Variants in R3HDM1 observed in about 807,000 individuals in gnomAD.
The protein encoded by R3HDM1 is R3H domain containing 1.
A neutral mutation model predicts 141.1 loss-of-function variants in R3HDM1; 46 were observed. The ratio of observed to expected loss-of-function variants is 0.33; its 90% CI spans 0.26 to 0.42. R3HDM1 has a LOEUF of 0.42. R3HDM1 is among the 10% of genes least tolerant of loss of function. R3HDM1 has a pLI of 1.00. For missense variants in R3HDM1, 1,184 were observed against 1,368.3 expected (o/e 0.87, Z 2.12); for synonymous variants, 435 against 472.9 (o/e 0.92, Z 1.04).
chr2:135,665,358 C>T (rs2067330734), intron 19 of R3HDM1: 1 of 518,446 alleles, frequency 1.9e-6, no homozygotes, highest in Non-Finnish European at 4.0e-6. Context: ...GTAGCTTCAC[C>T]ATATACATTT....
Position 135,645,543 on chromosome 2 carries a change from A to G in R3HDM1, c.1623+16A>G. 2 of 1,611,898 alleles carry G rather than the reference A, an allele frequency of 1.2e-6. No individual in the cohort carries two copies. Among genetic ancestry groups the G allele is most frequent in the Non-Finnish European group, 1.7e-6 (2 of 1,178,862 alleles). Reference sequence around the variant, plus strand: ...TTTCTCACAGGTGCACATATCCATGATTACATAATGCTAAGTTGACTTGCC... The same window carrying G: ...TTTCTCACAGGTGCACATATCCATGGTTACATAATGCTAAGTTGACTTGCC... On this transcript the variant is annotated intron_variant, in intron 16 of 26. Coordinates refer to ENST00000683871, the MANE Select transcript of R3HDM1 (RefSeq NM_001378107.1).
intron 21 of R3HDM1, among the ~76,000 whole-genome samples, chr2:135,686,955 T>C (rs539858033): frequency 6.6e-6 from 1 of 152,272 alleles, no homozygotes; most frequent in Non-Finnish European, 1.5e-5. Context: ...TCCCAGCACT[T>C]TGGGAGGCCA....
chr2:135,621,390 C>A lies in R3HDM1; in HGVS notation c.304-104C>A, dbSNP rs879763020. ...GAAGAATCCAGTTGGGTAAAATAAT[C>A]TTTTTCCTCTGTACAATTCTGTGTT... On this transcript the variant is annotated intron_variant, in intron 5 of 26. Transcript: ENST00000683871. 2.0e-5 allele frequency: 12 copies of A among 610,186 alleles called. No homozygotes were observed. In the Admixed American group the frequency reaches 4.8e-4, roughly 24 times the overall value. 37.8% of individuals were successfully genotyped at this position (610,186 alleles called of 1,614,324 possible).
chr2:135,548,703 C>T (rs1164528727), intron 1 of R3HDM1, among the ~76,000 whole-genome samples: 1 of 152,112 alleles, frequency 6.6e-6, no homozygotes, highest in Non-Finnish European at 1.5e-5. Flanking sequence ...GGGCTTCTTC[C>T]ATTCAACATG....
At chr2:135,583,058 ATGTATTTT>A (rs1254172901) in intron 1 of R3HDM1, among the ~76,000 whole-genome samples, 2 of 152,178 alleles carry the variant, frequency 1.3e-5, no homozygotes, top group African/African-American at 4.8e-5. Context: ...TCTCTGGCTA[ATGTATTTT>A]TATCACACCC....
chr2:135,658,191 G>C (rs1329829156), intron 18 of R3HDM1, among the ~76,000 whole-genome samples: 1 of 152,140 alleles, frequency 6.6e-6, no homozygotes, highest in Non-Finnish European at 1.5e-5. Context: ...TTTTGAGACG[G>C]AGTCTCGCTC....
chr2:135,547,802 C>G (rs1286324855), intron 1 of R3HDM1, among the ~76,000 whole-genome samples: 1 of 115,704 alleles, frequency 8.6e-6, no homozygotes, highest in Non-Finnish European at 1.6e-5. Flanking sequence ...GAGACAGAGT[C>G]TTGCTCTGTC....
At chr2:135,548,509 A>G (rs947994420) in intron 1 of R3HDM1, among the ~76,000 whole-genome samples, 3 of 152,210 alleles carry the variant, frequency 2.0e-5, no homozygotes, top group African/African-American at 4.8e-5. Flanking sequence ...TCTACAACCC[A>G]TACATCCATT....
intron 15 of R3HDM1, among the ~76,000 whole-genome samples, chr2:135,643,050 T>C (rs1218725138): frequency 6.6e-6 from 1 of 152,184 alleles, no homozygotes; most frequent in African/African-American, 2.4e-5. Context: ...TTCATTTGCT[T>C]AGGAAGGGAT....
chr2:135,607,856 A>C (rs2060208325), intron 3 of R3HDM1: 1 of 983,400 alleles, frequency 1.0e-6, no homozygotes, highest in Non-Finnish European at 1.2e-6. Flanking sequence ...CTTCTTTACC[A>C]AGGGAATACC....
intron 3 of R3HDM1, among the ~76,000 whole-genome samples, chr2:135,610,516 T>C (rs1366821221): frequency 6.6e-6 from 1 of 152,184 alleles, no homozygotes; most frequent in African/African-American, 2.4e-5. Flanking sequence ...GATGAGACTC[T>C]TATGTCTTGT....
intron 1 of R3HDM1, among the ~76,000 whole-genome samples, chr2:135,576,388 G>A (rs984059154): frequency 6.6e-6 from 1 of 151,872 alleles, no homozygotes; most frequent in African/African-American, 2.4e-5. Context: ...ATAAAAAAAA[G>A]TGTTAAATCA....
At chr2:135,578,130 T>C (rs1000404339) in intron 1 of R3HDM1, among the ~76,000 whole-genome samples, 1 of 152,172 alleles carries the variant, frequency 6.6e-6, no homozygotes, top group Admixed American at 6.5e-5. Context: ...TAAATACCCA[T>C]GCAGGAGAAT....
At chr2:135,581,502 T>G in intron 1 of R3HDM1, 1 of 660,312 alleles carries the variant, frequency 1.5e-6, no homozygotes, top group Non-Finnish European at 1.9e-6. Flanking sequence ...ACCACAATCT[T>G]TCCTCACCAC....
At position 135,667,620 on chromosome 2, in the gene R3HDM1, G is replaced by A; in HGVS notation, c.2152+6227G>A. On this transcript the variant is annotated intron_variant, in intron 19 of 26. Transcript: ENST00000683871. ...TAAAATATACTTTTTAGTGAAGAAA[G>A]AATAATTTATGTGGTAGCCAAGTTG... is the stretch of plus-strand genomic sequence containing the variant. The A allele has an allele frequency of 2.1e-6, 2 of 972,040 alleles. 1 individual carries two copies. The highest frequency in any genetic ancestry group is 9.5e-5 in the South Asian group (2 of 21,002). The allele number at this position is 972,040 out of a possible 1,614,324, so 60.2% of individuals were successfully genotyped here.
intron 1 of R3HDM1, chr2:135,576,955 A>G (rs530444202): frequency 3.0e-6 from 1 of 328,686 alleles, no homozygotes; most frequent in African/African-American, 2.2e-5. Flanking sequence ...GTATGAATAT[A>G]CTAAAAGCCA....
At chr2:135,586,684 G>C (rs1707999699) in intron 1 of R3HDM1, 1 of 985,126 alleles carries the variant, frequency 1.0e-6, no homozygotes, top group African/African-American at 1.7e-5. Context: ...TATTTGTTTA[G>C]GTTGGTGGAG....
At position 135,713,069 on chromosome 2, in the gene R3HDM1, G is replaced by C. The variant is rs1368719734; in HGVS notation, c.2737-2481G>C. On this transcript the variant is annotated intron_variant, in intron 23 of 26. Coordinates refer to ENST00000683871, the MANE Select transcript of R3HDM1 (RefSeq NM_001378107.1). ...AATTAAAAATTAGCCAGGTGTGGTGGTATACACCTGTAGCGCTAGTTACTT... is the reference window on the plus strand; with the variant it reads ...AATTAAAAATTAGCCAGGTGTGGTGCTATACACCTGTAGCGCTAGTTACTT... Among the ~76,000 whole-genome samples the C allele has an allele frequency of 3.3e-5, 5 of 152,126 alleles. No individual in the cohort carries two copies. The South Asian group carries it at 1.0e-3, about 31-fold the overall frequency.
At position 135,670,371 on chromosome 2, in the gene R3HDM1, C is replaced by T. The variant is rs534591152; in HGVS notation, c.2153-4961C>T. ...GTCCTTTTAGCTACTCAACACATGC[C>T]TTCATCCTGAAAGTACAGTAAAGAT... On this transcript the variant is annotated intron_variant, in intron 19 of 26. Transcript: ENST00000683871. 1.1e-5 allele frequency: 11 copies of T among 979,074 alleles called. No individual in the cohort carries two copies. In the Admixed American group the frequency reaches 1.8e-4, roughly 16 times the overall value. The allele number at this position is 979,074 out of a possible 1,614,324, so 60.6% of individuals were successfully genotyped here. A position where few individuals can be genotyped will look rare whatever the true frequency, so the allele number is the denominator to read the frequency against.
Sources: gnomAD v4.1 joint callset for allele counts (sites outside exome capture counted in the v4.1 genomes callset) on GRCh38, gnomAD v4.1.1 for gene constraint, MANE v1.5 for transcripts, NCBI Gene and HGNC (gene_info 2026-07-23, HGNC 2026-07-21) for gene names.